The following NRXN2 variants were observed in gnomAD, a reference collection of about 807,000 sequenced individuals.
The protein encoded by NRXN2 is neurexin-2-beta.
Under a neutral mutation model 128.8 loss-of-function variants are expected in NRXN2, and 29 were observed. The observed-to-expected ratio is 0.23, with a 90% confidence interval of 0.17 to 0.31. The LOEUF (loss-of-function observed/expected upper bound fraction) is 0.31. Ranked by LOEUF, NRXN2 falls within the 10% of genes least tolerant of loss-of-function variation. NRXN2 has a pLI of 1.00. For missense variants in NRXN2, 1,881 were observed against 2,452.6 expected (o/e 0.77, Z 4.92); for synonymous variants, 1,098 against 1,075.2 (o/e 1.02, Z -0.41).
rs1160712815 is a variant in NRXN2, at chr11:64,651,488, C to G, written c.2685G>C (p.Gln895His). 6.2e-7 allele frequency: 1 copy of G among 1,614,220 alleles called. No individual in the cohort carries two copies. ...LVFNGQPYMD[Q>H]CKDGDITYCE... ...AGTAGGTGATGTCACCATCCTTGCA[C>G]TGGTCCATGTAGGGCTGGCCATTGA... Residue 895 changes from glutamine (Q) to histidine (H), a missense_variant, in exon 14 of 23, where the codon CAG becomes CAC. Coordinates refer to ENST00000265459, the MANE Select transcript of NRXN2 (RefSeq NM_015080.4). The surrounding 1 kb of genome is among the most constrained non-coding windows in gnomAD (Gnocchi z 5.9).
rs774679959 is a variant in NRXN2, at chr11:64,713,312, C to T, written c.388G>A (p.Gly130Ser). The change falls in exon 2 of 23, where the codon GGC (glycine) becomes AGC (serine). Residue 130 changes from glycine (G) to serine (S), a missense_variant. This residue lies in a region of NRXN2 where 997 missense variants were observed against 1,240.8 expected (regional missense o/e 0.80). Coordinates refer to ENST00000265459, the MANE Select transcript of NRXN2 (RefSeq NM_015080.4). Reference sequence around the variant, plus strand: ...CGCACCTCGGCGGCGCGGGCCTCGCCGTCCACCGCCAGCGCCGTGCGGCGC... The same window carrying T: ...CGCACCTCGGCGGCGCGGGCCTCGCTGTCCACCGCCAGCGCCGTGCGGCGC... ...DARRTALAVD[G>S]EARAAEVRSK... is the part of the protein sequence containing the mutation. 2 of 1,361,252 alleles carry T rather than the reference C, an allele frequency of 1.5e-6. No individual in the cohort carries two copies. Among genetic ancestry groups the T allele is most frequent in the Non-Finnish European group, 1.9e-6 (2 of 1,063,554 alleles). 84.3% of individuals were successfully genotyped at this position (1,361,252 alleles called of 1,614,324 possible).
intron 22 of NRXN2, among the ~76,000 whole-genome samples, chr11:64,618,613 T>C (rs1360944056): frequency 6.6e-6 from 1 of 152,164 alleles, no homozygotes; most frequent in South Asian, 2.1e-4. Flanking sequence ...CAGGGGGTAC[T>C]GTGTGTTGAA....
chr11:64,609,578 G>A (rs1288529891), intron 22 of NRXN2, among the ~76,000 whole-genome samples: 1 of 152,194 alleles, frequency 6.6e-6, no homozygotes, highest in African/African-American at 2.4e-5. Context: ...TTGGAGGAGT[G>A]TAGAACACAA....
In NRXN2 at chr11:64,623,244, G is replaced by A; in HGVS notation, c.3848-166C>T. 1 of 1,232,596 alleles carries A rather than the reference G, an allele frequency of 8.1e-7. No individual in the cohort carries two copies. The highest frequency in any genetic ancestry group is 1.1e-6 in the Non-Finnish European group (1 of 912,428). 76.4% of individuals were successfully genotyped at this position (1,232,596 alleles called of 1,614,324 possible). ...ATGAGGAAGGGGCAGAAAGCCAAAG[G>A]GAAAGTCCTTGTCAGCCACAGCCCC... is the stretch of plus-strand genomic sequence containing the variant. On this transcript the variant is annotated intron_variant, in intron 20 of 22. Transcript: ENST00000265459. This position sits in a 1 kb window ranked among gnomAD's most constrained non-coding sequence, Gnocchi z 4.9.
intron 9 of NRXN2, among the ~76,000 whole-genome samples, chr11:64,666,818 C>T (rs1383619004): frequency 2.0e-5 from 3 of 152,188 alleles, no homozygotes; most frequent in African/African-American, 7.2e-5. Context: ...CCACCTCCGC[C>T]TCCCAAAGTG....
At chr11:64,692,695 AATGGC>A in intron 4 of NRXN2, 147 bp downstream of exon 4, 1 of 817,010 alleles carries the variant, frequency 1.2e-6, no homozygotes, top group African/African-American at 1.7e-5. Context: ...AAAATTAAGA[AATGGC>A]AAAGGAAGCG....
At chr11:64,608,769 C>T (rs2040143001) in intron 22 of NRXN2, among the ~76,000 whole-genome samples, 1 of 152,206 alleles carries the variant, frequency 6.6e-6, no homozygotes, top group African/African-American at 2.4e-5. Flanking sequence ...TCACTTGTCC[C>T]TCTCCCCCTC....
chr11:64,708,098 CAA>C (rs1333066704), intron 2 of NRXN2, among the ~76,000 whole-genome samples: 6 of 128,132 alleles, frequency 4.7e-5, no homozygotes, highest in Non-Finnish European at 5.1e-5. Context: ...AACTCCGTCT[CAA>C]AAAAAAAAAA....
chr11:64,650,367 C>T, intron 15 of NRXN2, 81 bp downstream of exon 15: 17 of 1,426,394 alleles, frequency 1.2e-5, no homozygotes, highest in South Asian at 2.3e-5. Context: ...AGGGAAGCAG[C>T]GTCGCAGGAA....
rs916339861 is a variant in NRXN2, at chr11:64,707,919, C to T, written c.730+5051G>A. Reference sequence around the variant, plus strand: ...GACCAGCCTGACCAACATGGAGAAACCCCATCTCTACTAAAAATACAAAAT... The same window carrying T: ...GACCAGCCTGACCAACATGGAGAAATCCCATCTCTACTAAAAATACAAAAT... On this transcript the variant is annotated intron_variant, in intron 2 of 22. Transcript: ENST00000265459. 3.3e-5 allele frequency among the ~76,000 whole-genome samples: 5 copies of T among 152,208 alleles called. No individual in the cohort carries two copies. In the South Asian group the frequency reaches 1.0e-3, roughly 32 times the overall value.
chr11:64,639,598 T>A lies in NRXN2; in HGVS notation c.3404-4146A>T, dbSNP rs2045345753. ...GCTCAGCTCATTTTTAGGACCCAGG[T>A]GTGCCAGTCCTCCCATGCCCCAGAC... On this transcript the variant is annotated intron_variant, in intron 17 of 22. Coordinates refer to ENST00000265459, the MANE Select transcript of NRXN2 (RefSeq NM_015080.4). Among the ~76,000 whole-genome samples, 3 of 151,872 alleles carry A rather than the reference T, an allele frequency of 2.0e-5. No homozygotes were observed. The South Asian group carries it at 6.2e-4, about 32-fold the overall frequency.
At chr11:64,719,606 C>T (rs990176696) in intron 1 of NRXN2, among the ~76,000 whole-genome samples, 6 of 151,892 alleles carry the variant, frequency 4.0e-5, no homozygotes, top group Middle Eastern at 3.4e-3. Flanking sequence ...GCTGGGGAAG[C>T]GGGTGGGCTG....
chr11:64,713,633 C>T lies in NRXN2; in HGVS notation c.67G>A (p.Ala23Thr). Residue 23 changes from alanine to threonine, a missense_variant, in exon 2 of 23, where the codon GCG becomes ACG. Transcript: ENST00000265459. ...PLLLLLLLAL[A>T]ARADGLEFGG... ...AACTCCAGGCCGTCCGCGCGCGCCG[C>T]CAGCGCCAGCAGCAGCAGCAACAGC... 8.0e-7 allele frequency: 1 copy of T among 1,250,526 alleles called. No individual in the cohort carries two copies. The highest frequency in any genetic ancestry group is 2.7e-5 in the South Asian group (1 of 36,414). 77.5% of individuals were successfully genotyped at this position (1,250,526 alleles called of 1,614,324 possible).
At chr11:64,708,280 G>T (rs929663184) in intron 2 of NRXN2, among the ~76,000 whole-genome samples, 1 of 152,062 alleles carries the variant, frequency 6.6e-6, no homozygotes, top group African/African-American at 2.4e-5. Context: ...CACACATTAC[G>T]ACTAGTTTCC....
intron 17 of NRXN2, among the ~76,000 whole-genome samples, chr11:64,637,618 A>G (rs2044954246): frequency 6.6e-6 from 1 of 151,968 alleles, no homozygotes; most frequent in Non-Finnish European, 1.5e-5. Context: ...CTTCCTCCAC[A>G]CACATTCCTA....
chr11:64,637,817 G>C (rs944544917), intron 17 of NRXN2, among the ~76,000 whole-genome samples: 12 of 152,102 alleles, frequency 7.9e-5, no homozygotes, highest in Admixed American at 4.6e-4. Flanking sequence ...TCCCACCCCA[G>C]ATTCCAGACA....
rs1205819853 is a variant in NRXN2 at position 64,651,863 on chromosome 11, G to A, written c.2536+172C>T. 2.0e-5 allele frequency among the ~76,000 whole-genome samples: 3 copies of A among 152,092 alleles called. No homozygotes were observed. Among genetic ancestry groups the A allele is most frequent in the Non-Finnish European group, 4.4e-5 (3 of 68,002 alleles). On this transcript the variant is annotated intron_variant, in intron 13 of 22. Transcript: ENST00000265459. The surrounding 1 kb of genome is among the most constrained non-coding windows in gnomAD (Gnocchi z 5.9). ...ATGCTGCCTACAGGGAGTTGAAATC[G>A]TTCCTGGGGTCCAGATGCCCATAAC...
rs2047056253 is a variant in NRXN2 at position 64,648,674 on chromosome 11, C to T, written c.3283+60G>A. 3 of 1,604,292 alleles carry T rather than the reference C, an allele frequency of 1.9e-6. No individual in the cohort carries two copies. The highest frequency in any genetic ancestry group is 3.3e-5 in the Admixed American group (2 of 59,998). On this transcript the variant is annotated intron_variant, in intron 16 of 22. Coordinates refer to ENST00000265459, the MANE Select transcript of NRXN2 (RefSeq NM_015080.4). This position sits in a 1 kb window ranked among gnomAD's most constrained non-coding sequence, Gnocchi z 4.1. ...AAAGGCTACCTGCCCCGGTCTGCCT[C>T]TGCAGCTGGCCATCCTGTAGCCAGT...
rs970243914 is a variant in NRXN2 at position 64,651,820 on chromosome 11, C to A, written c.2537-184G>T. Among the ~76,000 whole-genome samples, 1 of 152,164 alleles carries A rather than the reference C, an allele frequency of 6.6e-6. No individual in the cohort carries two copies. Among genetic ancestry groups the A allele is most frequent in the Non-Finnish European group, 1.5e-5 (1 of 68,016 alleles). On this transcript the variant is annotated intron_variant, in intron 13 of 22. Coordinates refer to ENST00000265459, the MANE Select transcript of NRXN2 (RefSeq NM_015080.4). The surrounding 1 kb of genome is among the most constrained non-coding windows in gnomAD (Gnocchi z 5.9). ...GTGGCAGGACTCGCCAGTCAAGAGC[C>A]AACAGGCTGCCAGGGGAATGCTGCC...
Sources: allele counts gnomAD v4.1 joint callset (sites outside exome capture counted in the v4.1 genomes callset), GRCh38; gene constraint gnomAD v4.1.1; regional missense constraint gnomAD v4.1.1; non-coding constraint Gnocchi (gnomAD v3.1); transcripts MANE v1.5; gene names NCBI Gene and HGNC (gene_info 2026-07-23, HGNC 2026-07-21).